The following CFHR4 variants were observed in gnomAD, a reference collection of about 807,000 sequenced individuals.
CFHR4 encodes the protein complement factor H related 4.
CFHR4 carries 64 observed loss-of-function variants against 69.3 expected under a neutral mutation model. The ratio of observed to expected loss-of-function variants is 0.92; its 90% CI spans 0.76 to 1.14. The LOEUF is 1.14. CFHR4 is among the 50% of genes most tolerant of loss of function. The pLI, the probability that CFHR4 is intolerant of heterozygous loss-of-function variation, is 0.00. For missense variants in CFHR4, 636 were observed against 684.9 expected (o/e 0.93, Z 0.80); for synonymous variants, 244 against 237.0 (o/e 1.03, Z -0.27).
At chr1:196,889,253 G>A (rs770520461) in intron 1 of CFHR4, among the ~76,000 whole-genome samples, 9 of 151,086 alleles carry the variant, frequency 6.0e-5, no homozygotes, top group South Asian at 2.1e-4. Flanking sequence ...CACATGATTC[G>A]CTAGTTTTAA....
chr1:196,898,216 T>C (rs1657413772), intron 1 of CFHR4, among the ~76,000 whole-genome samples: 1 of 151,466 alleles, frequency 6.6e-6, no homozygotes, highest in African/African-American at 2.4e-5. Context: ...TTTAATCATA[T>C]GTGAGTTTAT....
chr1:196,916,329 A>C (rs566316596), intron 9 of CFHR4, among the ~76,000 whole-genome samples: 3 of 151,922 alleles, frequency 2.0e-5, no homozygotes, highest in African/African-American at 7.3e-5. Flanking sequence ...CAGATAACCT[A>C]TTCCTATCAC....
rs1157552066 is a variant in CFHR4, at chr1:196,916,967, G to A, written c.1541-1243G>A. Among the ~76,000 whole-genome samples, 3 of 151,492 alleles carry A rather than the reference G, an allele frequency of 2.0e-5. No individual in the cohort carries two copies. In the South Asian group the frequency reaches 6.2e-4, roughly 31 times the overall value. The stretch of plus-strand genomic sequence containing the variant: ...AAAGCAATGAGGAAAACTTTCCCAG[G>A]CAGCAGGAAACTTTAGAAAGTTTTG... On this transcript the variant is annotated intron_variant, in intron 9 of 9. Transcript: ENST00000608469.
intron 1 of CFHR4, among the ~76,000 whole-genome samples, chr1:196,897,300 C>T (rs376747706): frequency 3.3e-5 from 5 of 151,428 alleles, no homozygotes; most frequent in African/African-American, 1.2e-4. Flanking sequence ...TCTGGCCCCA[C>T]GGCAGCGTCT....
intron 6 of CFHR4, among the ~76,000 whole-genome samples, 152 bp downstream of exon 6, chr1:196,910,630 A>T (rs1239793674): frequency 5.3e-5 from 8 of 151,578 alleles, no homozygotes; most frequent in Non-Finnish European, 1.5e-5. Context: ...CTTTTCTGTT[A>T]TGAGACCTTC....
intron 1 of CFHR4, among the ~76,000 whole-genome samples, chr1:196,901,273 A>G (rs1354842769): frequency 6.6e-6 from 1 of 151,356 alleles, no homozygotes; most frequent in Non-Finnish European, 1.5e-5. Context: ...TGGCAAAAAA[A>G]AAATGGTGAA....
chr1:196,905,139 A>T lies in CFHR4; in HGVS notation c.288A>T (p.Glu96Asp). ...GCTCAAAATCAGATGTAGAAATTGAAAATGGATTCATTTCTGAATCTTCCT... is the reference window on the plus strand; with the variant it reads ...GCTCAAAATCAGATGTAGAAATTGATAATGGATTCATTTCTGAATCTTCCT... ...RTCSKSDVEI[E>D]NGFISESSSI... Residue 96 changes from glutamate to aspartate, a missense_variant, in exon 3 of 10, where the codon GAA (glutamate) becomes GAT (aspartate). Glu to Asp is a conservative substitution (Grantham distance 45). This residue lies in a region of CFHR4 where 529 missense variants were observed against 533.2 expected (regional missense o/e 0.99). Coordinates refer to ENST00000608469, the MANE Select transcript of CFHR4 (RefSeq NM_001201550.3). 1 of 1,602,966 alleles carries T rather than the reference A, an allele frequency of 6.2e-7. No individual in the cohort carries two copies. The highest frequency in any genetic ancestry group is 1.4e-5 in the African/African-American group (1 of 73,856).
chr1:196,896,117 A>G (rs1393014758), intron 1 of CFHR4, among the ~76,000 whole-genome samples: 1 of 147,794 alleles, frequency 6.8e-6, no homozygotes, highest in Non-Finnish European at 1.5e-5. Flanking sequence ...GGCTGCCAAA[A>G]TATTCTTTTT....
At position 196,918,378 on chromosome 1, in the gene CFHR4, G is replaced by A. The variant is rs1282771425; in HGVS notation, c.1709G>A (p.Gly570Asp). The A allele has an allele frequency of 6.2e-7, 1 of 1,612,126 alleles. No individual in the cohort carries two copies. ...TCATTTCAAGCAGTGTGTAGGGAAGGCATAGTGGAATACCCCAGATGCGAA... is the reference window on the plus strand; with the variant it reads ...TCATTTCAAGCAGTGTGTAGGGAAGACATAGTGGAATACCCCAGATGCGAA... ...VLSFQAVCRE[G>D]IVEYPRCE Residue 570 changes from glycine to aspartate, a missense_variant, in exon 10 of 10, where the codon GGC becomes GAC. Transcript: ENST00000608469.
At chr1:196,910,656 G>A (rs1279160737) in intron 6 of CFHR4, among the ~76,000 whole-genome samples, 178 bp downstream of exon 6, 1 of 151,232 alleles carries the variant, frequency 6.6e-6, no homozygotes, top group Non-Finnish European at 1.5e-5. Flanking sequence ...AATCACATGA[G>A]AAATAAATAT....
chr1:196,916,660 A>G (rs1249343737), intron 9 of CFHR4, among the ~76,000 whole-genome samples: 1 of 151,790 alleles, frequency 6.6e-6, no homozygotes, highest in African/African-American at 2.4e-5. Context: ...TTCAAACTTG[A>G]TTTCATAGAA....
rs187092274 is a variant in CFHR4, at chr1:196,913,560, T to G, written c.1180+638T>G. Among the ~76,000 whole-genome samples the G allele has an allele frequency of 1.6e-3, 247 of 151,686 alleles. 7 individuals are homozygous for G. Among genetic ancestry groups the G allele is most frequent in the African/African-American group, 5.5e-3 (227 of 41,208 alleles). ...TCTGAACATGCTCGACCTTTACTTA[T>G]TATGATAAAGAGATTGCATAATGAA... On this transcript the variant is annotated intron_variant, in intron 7 of 9. Coordinates refer to ENST00000608469, the MANE Select transcript of CFHR4 (RefSeq NM_001201550.3).
intron 1 of CFHR4, among the ~76,000 whole-genome samples, chr1:196,901,561 T>A (rs1001701173): frequency 6.6e-6 from 1 of 151,406 alleles, no homozygotes; most frequent in African/African-American, 2.4e-5. Flanking sequence ...TCTTGAACAA[T>A]GATCATATTT....
chr1:196,897,819 C>T (rs928028867), intron 1 of CFHR4, among the ~76,000 whole-genome samples: 1 of 151,158 alleles, frequency 6.6e-6, no homozygotes, highest in Non-Finnish European at 1.5e-5. Flanking sequence ...ACATTTTGGA[C>T]AGGAAAACAG....
At position 196,907,418 on chromosome 1, in the gene CFHR4, G is replaced by GC. The variant is rs1161123780; in HGVS notation, c.721dup (p.Gln241ProfsTer5). 6.2e-7 allele frequency: 1 copy of GC among 1,611,976 alleles called. No homozygotes were observed. Among genetic ancestry groups the GC allele is most frequent in the Non-Finnish European group, 8.5e-7 (1 of 1,179,090 alleles). ...CCATGGTCAAGAGTCGAGTACCAGT[G>GC]CCAGTCCTACTATGAACTTCAGGGT... is the stretch of plus-strand genomic sequence containing the variant. On this transcript the variant is annotated frameshift_variant, in exon 5 of 10. Coordinates refer to ENST00000608469, the MANE Select transcript of CFHR4 (RefSeq NM_001201550.3). LOFTEE classifies it high-confidence loss of function.
chr1:196,899,880 A>T (rs1189150940), intron 1 of CFHR4, among the ~76,000 whole-genome samples: 8 of 151,558 alleles, frequency 5.3e-5, no homozygotes, highest in Non-Finnish European at 1.2e-4. Flanking sequence ...CCTGATTATC[A>T]GATACAGCAT....
intron 1 of CFHR4, among the ~76,000 whole-genome samples, chr1:196,889,611 C>G (rs910091055): frequency 1.3e-5 from 2 of 151,486 alleles, no homozygotes; most frequent in African/African-American, 2.4e-5. Flanking sequence ...TTGGGTCACA[C>G]CTATATTTCT....
At chr1:196,903,459 C>A (rs1312586959) in intron 2 of CFHR4, among the ~76,000 whole-genome samples, 1 of 150,820 alleles carries the variant, frequency 6.6e-6, no homozygotes, top group Non-Finnish European at 1.5e-5. Context: ...TCAAGACCAG[C>A]CTGGTCAACA....
intron 6 of CFHR4, among the ~76,000 whole-genome samples, chr1:196,910,882 T>C (rs1658227832): frequency 6.6e-6 from 1 of 151,502 alleles, no homozygotes; most frequent in Non-Finnish European, 1.5e-5. Flanking sequence ...GTTCCTAATC[T>C]ACCTTTTAAT....
Sources: gnomAD v4.1 joint callset for allele counts (sites outside exome capture counted in the v4.1 genomes callset) on GRCh38, gnomAD v4.1.1 for gene constraint, gnomAD v4.1.1 regional missense constraint, MANE v1.5 for transcripts, NCBI Gene and HGNC (gene_info 2026-07-23, HGNC 2026-07-21) for gene names.